Variants in RRP15 observed in about 807,000 individuals in gnomAD.
RRP15 encodes the protein RRP15-like protein.
A neutral mutation model predicts 27.1 loss-of-function variants in RRP15; 18 were observed. The ratio of observed to expected loss-of-function variants is 0.66; its 90% confidence interval spans 0.46 to 0.98. RRP15 has a LOEUF of 0.98. Among genes scored for constraint, RRP15 ranks in the 50% least tolerant of loss-of-function variants. The probability of loss-of-function intolerance (pLI) is 0.00; values close to 1 mark genes in which losing one functional copy is unlikely to be tolerated. For synonymous variants in RRP15, 107 were observed against 109.4 expected (o/e 0.98, Z 0.14); for missense variants, 359 against 337.8 (o/e 1.06, Z -0.49).
chr1:218,322,084 G>A (rs969498707), intron 4 of RRP15, among the ~76,000 whole-genome samples: 1 of 152,126 alleles, frequency 6.6e-6, no homozygotes, highest in Non-Finnish European at 1.5e-5. Flanking sequence ...TAAGAACACA[G>A]TATATTACTG....
At chr1:218,325,111 C>T (rs1656251121) in intron 4 of RRP15, among the ~76,000 whole-genome samples, 1 of 152,176 alleles carries the variant, frequency 6.6e-6, no homozygotes, top group Non-Finnish European at 1.5e-5. Context: ...CACTCTCACT[C>T]TTTTGGTAAA....
intron 1 of RRP15, among the ~76,000 whole-genome samples, chr1:218,291,752 G>T (rs1655645983): frequency 6.6e-6 from 1 of 151,920 alleles, no homozygotes; most frequent in Non-Finnish European, 1.5e-5. Flanking sequence ...GGATAGTCTG[G>T]ATCTCTTGAC....
At chr1:218,290,224 A>G (rs1279789060) in intron 1 of RRP15, among the ~76,000 whole-genome samples, 1 of 152,198 alleles carries the variant, frequency 6.6e-6, no homozygotes, top group Non-Finnish European at 1.5e-5. Flanking sequence ...GGTAATATCA[A>G]ATTACTATAA....
intron 4 of RRP15, among the ~76,000 whole-genome samples, chr1:218,318,264 A>G (rs1316449121): frequency 6.6e-6 from 1 of 152,184 alleles, no homozygotes; most frequent in Non-Finnish European, 1.5e-5. Context: ...TTATTGAGGT[A>G]TGATGTTCAT....
At chr1:218,318,528 T>C (rs192662873) in intron 4 of RRP15, among the ~76,000 whole-genome samples, 6 of 152,304 alleles carry the variant, frequency 3.9e-5, no homozygotes, top group African/African-American at 1.4e-4. Context: ...TTCATTATGG[T>C]GTCATTTATC....
Position 218,306,847 on chromosome 1 carries a change from A to G in RRP15, c.504-584A>G, listed in dbSNP as rs114340051. Among the ~76,000 whole-genome samples the G allele has an allele frequency of 6.7e-3, 1,025 of 152,234 alleles. 7 individuals are homozygous for G. Among genetic ancestry groups the G allele is most frequent in the African/African-American group, 0.016 (666 of 41,540 alleles). On this transcript the variant is annotated intron_variant, in intron 3 of 4. Transcript: ENST00000366932. ...GTTATTAATGATATTTAAGGATTCT[A>G]TTTTTCATACTGAGTCTTTGAAATC...
In RRP15 at chr1:218,331,280, AATT is replaced by A. The variant is rs1197048469; in HGVS notation, c.*190_*192del. ...AAAATTATATTTTAAACCCTTGTAT[AATT>A]TTAAGCATTGTTCCTCAGAACATTT... On this transcript the variant is annotated 3_prime_UTR_variant, in exon 5 of 5. Transcript: ENST00000366932. 6 of 441,128 alleles carry A rather than the reference AATT, an allele frequency of 1.4e-5. No individual in the cohort carries two copies. In the East Asian group the frequency reaches 1.8e-4, roughly 13 times the overall value. The allele number at this position is 441,128 out of a possible 1,614,324, so 27.3% of individuals were successfully genotyped here.
intron 1 of RRP15, 83 bp downstream of exon 1, chr1:218,285,538 GCTGCTAGCCAC>G (rs1655531742): frequency 1.3e-6 from 2 of 1,575,844 alleles, no homozygotes; most frequent in Non-Finnish European, 1.7e-6. Flanking sequence ...GACTTCATTT[GCTGCTAGCCAC>G]CTGGGTTTTA....
intron 4 of RRP15, among the ~76,000 whole-genome samples, chr1:218,312,685 C>A (rs753728090): frequency 4.0e-5 from 6 of 151,804 alleles, no homozygotes; most frequent in Non-Finnish European, 7.4e-5. Context: ...ATTAGAAAAT[C>A]GTAAAGTTGG....
intron 3 of RRP15, 88 bp downstream of exon 3, chr1:218,305,213 C>T (rs1424825069): frequency 2.1e-6 from 2 of 963,410 alleles, no homozygotes; most frequent in African/African-American, 3.3e-5. Flanking sequence ...TTCTTAAGCT[C>T]AGCCTTCTCA....
chr1:218,288,332 T>TG (rs1655582474), intron 1 of RRP15, among the ~76,000 whole-genome samples: 1 of 152,226 alleles, frequency 6.6e-6, no homozygotes, highest in Non-Finnish European at 1.5e-5. Context: ...GCAACTTTCA[T>TG]GTGAGCTTAT....
intron 4 of RRP15, among the ~76,000 whole-genome samples, chr1:218,329,990 T>C (rs911466405): frequency 2.0e-5 from 3 of 152,160 alleles, no homozygotes; most frequent in South Asian, 2.1e-4. Flanking sequence ...ATGATAACAC[T>C]GTTTTCTAAC....
chr1:218,307,402 C>T (rs1485146780), intron 3 of RRP15, 29 bp from the exon 4 acceptor site: 1 of 1,572,132 alleles, frequency 6.4e-7, no homozygotes, highest in Non-Finnish European at 8.7e-7. Flanking sequence ...TTATTTAATA[C>T]ATCATTCTGG....
At chr1:218,292,013 T>A (rs1050659513) in intron 1 of RRP15, among the ~76,000 whole-genome samples, 1 of 152,140 alleles carries the variant, frequency 6.6e-6, no homozygotes, top group South Asian at 2.1e-4. Context: ...AATTTTTCAT[T>A]TTTTGTAAAG....
In RRP15 at chr1:218,322,889, G is replaced by A. The variant is rs370335507; in HGVS notation, c.706-8059G>A. Among the ~76,000 whole-genome samples, 7 of 152,170 alleles carry A rather than the reference G, an allele frequency of 4.6e-5. No individual in the cohort carries two copies. In the East Asian group the frequency reaches 1.2e-3, roughly 25 times the overall value. On this transcript the variant is annotated intron_variant, in intron 4 of 4. Coordinates refer to ENST00000366932, the MANE Select transcript of RRP15 (RefSeq NM_016052.4). ...CCTGGATCCCATGCCTGCCAAGAGC[G>A]AGGGATGTATGAGCGAGAGTGGGGT...
chr1:218,328,697 TTTC>T lies in RRP15; in HGVS notation c.706-2244_706-2242del, dbSNP rs1311232027. ...AAAAATTTTTTTTTCCATGTTCCCTTTTCTTCTTCGTTCTTCTGTTGCCTGCGG... is the reference window on the plus strand; with the variant it reads ...AAAAATTTTTTTTTCCATGTTCCCTTTTCTTCGTTCTTCTGTTGCCTGCGG... On this transcript the variant is annotated intron_variant, in intron 4 of 4. Transcript: ENST00000366932. Among the ~76,000 whole-genome samples the T allele has an allele frequency of 3.9e-5, 6 of 152,112 alleles. No homozygotes were observed. In the East Asian group the frequency reaches 9.7e-4, roughly 25 times the overall value.
At chr1:218,287,702 A>G (rs548738913) in intron 1 of RRP15, among the ~76,000 whole-genome samples, 1 of 152,288 alleles carries the variant, frequency 6.6e-6, no homozygotes, top group Admixed American at 6.5e-5. Flanking sequence ...TTGCTTACTT[A>G]TATCTTACGT....
At chr1:218,308,062 CTTTTTTTTTTTTTTTTT>C (rs56813511) in intron 4 of RRP15, among the ~76,000 whole-genome samples, 1,153 of 66,998 alleles carry the variant, frequency 0.017, 75 homozygotes, top group Admixed American at 0.14. Flanking sequence ...TTCTTTCTTT[CTTTTTTTTTTTTTTTTT>C]TTTTTTTTTT....
rs1656462262 is a variant in RRP15 at position 218,337,198 on chromosome 1, A to T, written c.*6107A>T. 6.6e-6 allele frequency: 1 copy of T among 152,182 alleles called. No homozygotes were observed. The highest frequency in any genetic ancestry group is 2.4e-5 in the African/African-American group (1 of 41,442). 9.4% of individuals were successfully genotyped at this position (152,182 alleles called of 1,614,324 possible). A position where few individuals can be genotyped will look rare whatever the true frequency, so the allele number is the denominator to read the frequency against. On this transcript the variant is annotated 3_prime_UTR_variant, in exon 5 of 5. Transcript: ENST00000366932. ...ATGTTCTCTCTTATGCATTTGGAGG[A>T]TTAGGTGCTGCACCTATAGGTTTCC... is the stretch of plus-strand genomic sequence containing the variant.
Sources: gnomAD v4.1 joint callset for allele counts (sites outside exome capture counted in the v4.1 genomes callset) on GRCh38, gnomAD v4.1.1 for gene constraint, MANE v1.5 for transcripts, NCBI Gene and HGNC (gene_info 2026-07-23, HGNC 2026-07-21) for gene names.